Variants in NPAS2 observed in about 807,000 individuals in gnomAD.
NPAS2 encodes the protein neuronal PAS domain-containing protein 2.
In NPAS2, 23 loss-of-function variants were observed where a neutral mutation model predicts 107.5. The ratio of observed to expected loss-of-function variants is 0.21; its 90% CI spans 0.15 to 0.30. The LOEUF is 0.30. NPAS2 is among the 10% of genes least tolerant of loss of function. The pLI is 1.00. For synonymous variants in NPAS2, 403 were observed against 417.5 expected, an observed-to-expected ratio of 0.97 and a Z score of 0.42; for missense variants, 756 against 1,043.3, an observed-to-expected ratio of 0.72 and a Z score of 3.79.
chr2:100,855,265 A>G (rs971902731), intron 1 of NPAS2, among the ~76,000 whole-genome samples: 3 of 152,050 alleles, frequency 2.0e-5, no homozygotes, highest in Admixed American at 1.3e-4. Context: ...TTCAATGTGC[A>G]CCCCTGTTTG....
intron 1 of NPAS2, among the ~76,000 whole-genome samples, chr2:100,874,186 T>C (rs1358568109): frequency 6.6e-6 from 1 of 151,972 alleles, no homozygotes; most frequent in Non-Finnish European, 1.5e-5. Flanking sequence ...GGTTTTACCA[T>C]GTTGGCCAGG....
intron 13 of NPAS2, 81 bp from the exon 14 acceptor site, chr2:100,975,376 CA>C: frequency 1.6e-6 from 2 of 1,246,062 alleles, no homozygotes; most frequent in Non-Finnish European, 2.3e-6. Context: ...GTACTGTGCA[CA>C]CCACGGTCAT....
chr2:100,846,984 G>T (rs1677815670), intron 1 of NPAS2: 1 of 151,590 alleles, frequency 6.6e-6, no homozygotes, highest in South Asian at 2.1e-4. Flanking sequence ...TTTCTCTCTT[G>T]TGTCTCCCCA....
intron 18 of NPAS2, 111 bp downstream of exon 18, chr2:100,990,557 T>A (rs1379788601): frequency 7.2e-6 from 9 of 1,242,036 alleles, no homozygotes; most frequent in Non-Finnish European, 1.0e-5. Context: ...TTCTAAAGTG[T>A]CCACAGTTGA....
At chr2:100,932,006 T>C (rs1169882291) in intron 3 of NPAS2, among the ~76,000 whole-genome samples, 1 of 152,194 alleles carries the variant, frequency 6.6e-6, no homozygotes, top group East Asian at 1.9e-4. Context: ...CAGGTTAGTT[T>C]TATTCTCTGA....
At chr2:100,861,347 C>T (rs942901564) in intron 1 of NPAS2, among the ~76,000 whole-genome samples, 3 of 152,158 alleles carry the variant, frequency 2.0e-5, no homozygotes, top group African/African-American at 7.2e-5. Flanking sequence ...AGTCTGCTGG[C>T]TTGGGCTTGA....
At chr2:100,841,139 T>C (rs1487688751) in intron 1 of NPAS2, among the ~76,000 whole-genome samples, 1 of 152,180 alleles carries the variant, frequency 6.6e-6, no homozygotes, top group Non-Finnish European at 1.5e-5. Flanking sequence ...TACTTGTTAC[T>C]GTTCAATTTT....
intron 1 of NPAS2, among the ~76,000 whole-genome samples, chr2:100,877,445 CAAAAAAAAAAAA>C (rs72050213): frequency 2.5e-5 from 2 of 81,602 alleles, no homozygotes; most frequent in Non-Finnish European, 4.4e-5. Flanking sequence ...GACTCCGTCT[CAAAAAAAAAAAA>C]AAAAAAAAAA....
At chr2:100,958,724 A>G (rs904163673) in intron 7 of NPAS2, among the ~76,000 whole-genome samples, 2 of 152,154 alleles carry the variant, frequency 1.3e-5, no homozygotes, top group African/African-American at 4.8e-5. Flanking sequence ...AAGTTGTCCC[A>G]TAATCGTGAT....
At chr2:100,987,676 T>G in intron 16 of NPAS2, 1 of 191,170 alleles carries the variant, frequency 5.2e-6, no homozygotes, top group Non-Finnish European at 1.1e-5. Flanking sequence ...TGCCCCTATA[T>G]CATGAGGCAA....
chr2:100,830,785 T>G (rs571932852), intron 1 of NPAS2, among the ~76,000 whole-genome samples: 7 of 152,350 alleles, frequency 4.6e-5, no homozygotes, highest in African/African-American at 1.7e-4. Context: ...GGCTTCAATT[T>G]TCCATTATCC....
chr2:100,995,378 C>A (rs1188531367), intron 20 of NPAS2, 22 bp from the exon 21 acceptor site: 3 of 1,599,596 alleles, frequency 1.9e-6, no homozygotes, highest in Non-Finnish European at 2.6e-6. Flanking sequence ...ACCTCTGAAG[C>A]CCTTTGTTCT....
At chr2:100,909,793 A>AAT (rs1682426678) in intron 2 of NPAS2, among the ~76,000 whole-genome samples, 1 of 151,974 alleles carries the variant, frequency 6.6e-6, no homozygotes, top group African/African-American at 2.4e-5. Context: ...CGCAGGAGGT[A>AAT]ATAGGACATG....
rs562599165 is a variant in NPAS2 at position 100,921,766 on chromosome 2, A to C, written c.33-3380A>C. 2.0e-5 allele frequency among the ~76,000 whole-genome samples: 3 copies of C among 152,236 alleles called. No homozygotes were observed. In the South Asian group the frequency reaches 6.2e-4, roughly 31 times the overall value. On this transcript the variant is annotated intron_variant, in intron 2 of 20. Transcript: ENST00000335681. Reference sequence around the variant, plus strand: ...ATTTCAATGCACTGTATGTCAGTGCAGCCGTGTCTTATCAGGTTAAACATA... The same window carrying C: ...ATTTCAATGCACTGTATGTCAGTGCCGCCGTGTCTTATCAGGTTAAACATA...
intron 1 of NPAS2, among the ~76,000 whole-genome samples, chr2:100,851,783 G>A (rs532852902): frequency 6.6e-6 from 1 of 152,296 alleles, no homozygotes; most frequent in African/African-American, 2.4e-5. Flanking sequence ...TGGTTGTCTG[G>A]GGTCATGAGT....
At chr2:100,907,004 A>C (rs1213744814) in intron 2 of NPAS2, among the ~76,000 whole-genome samples, 2 of 151,956 alleles carry the variant, frequency 1.3e-5, no homozygotes, top group African/African-American at 2.4e-5. Flanking sequence ...ATAAGACCAA[A>C]CTCAATCTAC....
chr2:100,940,663 G>A (rs1389935953), intron 5 of NPAS2, among the ~76,000 whole-genome samples: 1 of 152,160 alleles, frequency 6.6e-6, no homozygotes, highest in South Asian at 2.1e-4. Flanking sequence ...TAGTTACCCA[G>A]TTCACAGATG....
At chr2:100,948,172 G>T in intron 5 of NPAS2, 63 bp from the exon 6 acceptor site, 1 of 1,583,464 alleles carries the variant, frequency 6.3e-7, no homozygotes, top group Admixed American at 1.9e-5. Context: ...TTCAATTTTT[G>T]TTTTTGCTTC....
intron 1 of NPAS2, among the ~76,000 whole-genome samples, chr2:100,834,680 TTTTTCTTTTC>T (rs141665392): frequency 3.3e-5 from 5 of 151,918 alleles, no homozygotes; most frequent in Admixed American, 2.6e-4. Context: ...CCCTTTATCA[TTTTTCTTTTC>T]TTTTCTTTTC....
Sources: gnomAD v4.1 joint callset for allele counts (sites outside exome capture counted in the v4.1 genomes callset) on GRCh38, gnomAD v4.1.1 for gene constraint, MANE v1.5 for transcripts, NCBI Gene and HGNC (gene_info 2026-07-23, HGNC 2026-07-21) for gene names.